TAFA1: variants seen among roughly 807,000 people sequenced by gnomAD.
TAFA1 encodes TAFA chemokine like family member 1, also known as chemokine-like protein TAFA-1.
TAFA1 carries 4 observed loss-of-function variants against 18.5 expected under a neutral mutation model. The observed-to-expected ratio is 0.22, with a 90% CI of 0.11 to 0.49. TAFA1 has a LOEUF of 0.49. TAFA1 is among the 20% of genes least tolerant of loss of function. The pLI, the probability that TAFA1 is intolerant of heterozygous loss-of-function variation, is 0.98. For synonymous variants in TAFA1, 56 were observed against 55.2 expected (o/e 1.01, Z -0.06); for missense variants, 147 against 169.0 (o/e 0.87, Z 0.72).
chr3:68,021,479 C>T (rs578127469), intron 2 of TAFA1, among the ~76,000 whole-genome samples: 1 of 152,154 alleles, frequency 6.6e-6, no homozygotes, highest in East Asian at 1.9e-4. Context: ...ATCCATCACC[C>T]TTTTATCATA....
chr3:68,331,845 T>A (rs137990151), intron 2 of TAFA1, among the ~76,000 whole-genome samples: 1,972 of 137,034 alleles, frequency 0.014, 43 homozygotes, highest in African/African-American at 0.05. Flanking sequence ...TAAAGGATAG[T>A]CTTTTCTTTT....
intron 2 of TAFA1, among the ~76,000 whole-genome samples, chr3:68,146,492 G>A (rs1299017958): frequency 3.9e-5 from 6 of 152,190 alleles, no homozygotes; most frequent in African/African-American, 1.2e-4. Flanking sequence ...CCAAAGGACT[G>A]TGGAATAAAA....
chr3:68,120,167 CTTTCTCTTTCTTTCTTTCTTTCTT>C (rs1170151465), intron 2 of TAFA1, among the ~76,000 whole-genome samples: 79 of 147,580 alleles, frequency 5.4e-4, no homozygotes, highest in African/African-American at 1.8e-3. Context: ...CTTTCTCTTT[CTTTCTCTTTCTTTCTTTCTTTCTT>C]TCTTTCTTTC....
Position 68,423,634 on chromosome 3 carries a change from G to A in TAFA1, c.259+6214G>A, listed in dbSNP as rs187678754. 2.9e-3 allele frequency among the ~76,000 whole-genome samples: 447 copies of A among 152,142 alleles called. 1 individual carries two copies. Among genetic ancestry groups the A allele is most frequent in the Middle Eastern group, 6.8e-3 (2 of 294 alleles). On this transcript the variant is annotated intron_variant, in intron 3 of 4. Coordinates refer to ENST00000478136, the MANE Select transcript of TAFA1 (RefSeq NM_213609.4). ...TTTCATTGTTATGGAGCAATTAGAA[G>A]CAGTTCTTTCAGTGCTTTTATTTTT...
chr3:68,460,120 T>TA (rs574071667), intron 3 of TAFA1, among the ~76,000 whole-genome samples: 30 of 149,870 alleles, frequency 2.0e-4, no homozygotes, highest in East Asian at 7.8e-4. Flanking sequence ...AATGAGGCTT[T>TA]AAAAAAAAAA....
intron 3 of TAFA1, among the ~76,000 whole-genome samples, chr3:68,441,956 A>C (rs759640684): frequency 6.6e-6 from 1 of 152,150 alleles, no homozygotes; most frequent in African/African-American, 2.4e-5. Flanking sequence ...ACATGGAAGG[A>C]TAAATGGCCA....
chr3:68,517,919 T>C (rs2106743781), intron 3 of TAFA1, among the ~76,000 whole-genome samples: 1 of 126,898 alleles, frequency 7.9e-6, no homozygotes, highest in East Asian at 2.5e-4. Flanking sequence ...TGCTCCCACT[T>C]GCTGATAAAC....
intron 2 of TAFA1, among the ~76,000 whole-genome samples, chr3:68,285,510 C>A (rs1202995607): frequency 6.6e-5 from 10 of 151,800 alleles, no homozygotes; most frequent in Admixed American, 2.0e-4. Context: ...TTATATATAG[C>A]AACTATATAT....
intron 2 of TAFA1, among the ~76,000 whole-genome samples, chr3:68,235,044 C>T (rs1036536402): frequency 5.3e-5 from 8 of 152,118 alleles, no homozygotes; most frequent in African/African-American, 1.4e-4. Flanking sequence ...TTTATATACA[C>T]GTTTGCTGGA....
intron 3 of TAFA1, among the ~76,000 whole-genome samples, chr3:68,536,931 T>C (rs982823046): frequency 6.6e-6 from 1 of 152,222 alleles, no homozygotes; most frequent in Admixed American, 6.5e-5. Flanking sequence ...TTTTATCTAA[T>C]ATTACTCTTG....
intron 3 of TAFA1, among the ~76,000 whole-genome samples, chr3:68,479,488 A>C (rs1275631349): frequency 6.6e-6 from 1 of 152,118 alleles, no homozygotes. Context: ...TGAAATGGCT[A>C]CATGAGTTTA....
intron 2 of TAFA1, among the ~76,000 whole-genome samples, chr3:68,180,868 A>G (rs1243801467): frequency 6.6e-6 from 1 of 152,162 alleles, no homozygotes; most frequent in South Asian, 2.1e-4. Context: ...TTATTCTGGA[A>G]AAAACAACCA....
At chr3:68,369,187 GCA>G (rs150116171) in intron 2 of TAFA1, among the ~76,000 whole-genome samples, 12 of 150,982 alleles carry the variant, frequency 7.9e-5, no homozygotes, top group Non-Finnish European at 1.8e-4. Flanking sequence ...GTTGGTGCAG[GCA>G]CACACACACA....
upstream of TAFA1, among the ~76,000 whole-genome samples, chr3:68,000,471 A>AGAG: frequency 6.6e-6 from 1 of 152,332 alleles, no homozygotes; most frequent in African/African-American, 2.4e-5. Flanking sequence ...CAAGGATCCA[A>AGAG]GATAAGAGCC....
chr3:68,417,094 G>A (rs566422978), intron 2 of TAFA1, among the ~76,000 whole-genome samples, 186 bp from the exon 3 acceptor site: 9 of 152,260 alleles, frequency 5.9e-5, no homozygotes, highest in Admixed American at 3.9e-4. Flanking sequence ...TTGCTGGTTT[G>A]GAAGTACAGC....
chr3:68,463,625 A>G (rs2106929166), intron 3 of TAFA1, among the ~76,000 whole-genome samples: 1 of 152,260 alleles, frequency 6.6e-6, no homozygotes, highest in South Asian at 2.1e-4. Flanking sequence ...CTGTGTTCCA[A>G]ATTTTCATAG....
rs978764560 is a variant in TAFA1, at chr3:68,332,548, C to T, written c.119-84732C>T. Reference sequence around the variant, plus strand: ...GTTAATATTCAAAATATAAGAAACTCATGCAACTCAACAGCAAAAACAAAA... The same window carrying T: ...GTTAATATTCAAAATATAAGAAACTTATGCAACTCAACAGCAAAAACAAAA... On this transcript the variant is annotated intron_variant, in intron 2 of 4. Transcript: ENST00000478136. 4.6e-5 allele frequency among the ~76,000 whole-genome samples: 7 copies of T among 152,198 alleles called. No individual in the cohort carries two copies. The South Asian group carries it at 1.5e-3, about 32-fold the overall frequency.
intron 2 of TAFA1, among the ~76,000 whole-genome samples, chr3:68,389,793 A>G (rs1269412463): frequency 2.0e-5 from 3 of 152,042 alleles, no homozygotes; most frequent in Admixed American, 6.5e-5. Flanking sequence ...GAGGGAAGCA[A>G]TGAGGGACTG....
At chr3:68,298,659 C>G (rs1318781069) in intron 2 of TAFA1, among the ~76,000 whole-genome samples, 1 of 152,124 alleles carries the variant, frequency 6.6e-6, no homozygotes, top group Non-Finnish European at 1.5e-5. Flanking sequence ...TGAGTTCTCA[C>G]AAGATCTGAT....
Sources: allele counts gnomAD v4.1 joint callset (sites outside exome capture counted in the v4.1 genomes callset), GRCh38; gene constraint gnomAD v4.1.1; transcripts MANE v1.5; gene names NCBI Gene and HGNC (gene_info 2026-07-23, HGNC 2026-07-21).